Variants in OAS3 observed in about 807,000 individuals in gnomAD.
OAS3 encodes the protein 2'-5'-oligoadenylate synthetase 3.
Under a neutral mutation model 113.0 loss-of-function variants are expected in OAS3, and 107 were observed. That is an observed-to-expected ratio of 0.95 (90% confidence interval 0.81 to 1.11). OAS3 has a LOEUF of 1.11. Among genes scored for constraint, OAS3 ranks in the 50% most tolerant of loss-of-function variants. OAS3 has a pLI of 0.00. For synonymous variants in OAS3, 552 were observed against 573.6 expected, an observed-to-expected ratio of 0.96 and a Z score of 0.54; for missense variants, 1,258 against 1,389.1, an observed-to-expected ratio of 0.91 and a Z score of 1.50.
chr12:112,941,984 G>T, intron 2 of OAS3, 132 bp downstream of exon 2: 1 of 1,098,052 alleles, frequency 9.1e-7, no homozygotes, highest in South Asian at 1.3e-5. Flanking sequence ...CTCAGCCTCA[G>T]TCTGGGGACT....
chr12:112,965,742 A>G lies in OAS3; in HGVS notation c.2404-2A>G. ...TTGAGCCACCTGCCATGTCCTCTCC[A>G]GGGTGGCTCTTCAGCCAAAGGCACA... On this transcript the variant is annotated splice_acceptor_variant, in intron 11 of 15. Transcript: ENST00000228928. LOFTEE classifies it high-confidence loss of function. The G allele has an allele frequency of 6.2e-7, 1 of 1,607,358 alleles. No individual in the cohort carries two copies. The highest frequency in any genetic ancestry group is 8.5e-7 in the Non-Finnish European group (1 of 1,178,322).
At chr12:112,968,222 C>T (rs2043954425) in intron 14 of OAS3, 48 bp downstream of exon 14, 1 of 1,563,790 alleles carries the variant, frequency 6.4e-7, no homozygotes, top group South Asian at 1.2e-5. Flanking sequence ...TGGGATCACT[C>T]ACTCTCCCCA....
At chr12:112,943,407 A>C (rs1328370561) in intron 2 of OAS3, among the ~76,000 whole-genome samples, 2 of 152,146 alleles carry the variant, frequency 1.3e-5, no homozygotes, top group South Asian at 4.1e-4. Context: ...ACAGTGACCC[A>C]CCCAAAGCCA....
Position 112,972,472 on chromosome 12 carries a change from A to G in OAS3, c.*2499A>G, listed in dbSNP as rs1351199344. 6.6e-6 allele frequency: 1 copy of G among 152,218 alleles called. No homozygotes were observed. The highest frequency in any genetic ancestry group is 1.5e-5 in the Non-Finnish European group (1 of 68,048). The allele number at this position is 152,218 out of a possible 1,614,324, so 9.4% of individuals were successfully genotyped here. A position where few individuals can be genotyped will look rare whatever the true frequency, so the allele number is the denominator to read the frequency against. ...GAGTTGATTGATAGGCTTAATGGTCACCCTAAAAACACCCACATATGCTTT... is the reference window on the plus strand; with the variant it reads ...GAGTTGATTGATAGGCTTAATGGTCGCCCTAAAAACACCCACATATGCTTT... On this transcript the variant is annotated 3_prime_UTR_variant, in exon 16 of 16. Transcript: ENST00000228928.
intron 1 of OAS3, among the ~76,000 whole-genome samples, 190 bp downstream of exon 1, chr12:112,938,897 A>G (rs1402630516): frequency 6.6e-6 from 1 of 152,208 alleles, no homozygotes; most frequent in Non-Finnish European, 1.5e-5. Context: ...GGTACTCTTA[A>G]GCCCGCTTGA....
At chr12:112,969,909 C>T in intron 15 of OAS3, 53 bp from the exon 16 acceptor site, 2 of 1,600,220 alleles carry the variant, frequency 1.2e-6, no homozygotes, top group Non-Finnish European at 1.7e-6. Context: ...TGTGTGGTCT[C>T]AGCTTCTGCA....
chr12:112,942,006 A>T, intron 2 of OAS3, 154 bp downstream of exon 2: 1 of 905,468 alleles, frequency 1.1e-6, no homozygotes, highest in African/African-American at 1.6e-5. Context: ...AACATATTGG[A>T]CTTGTGCCAG....
intron 11 of OAS3, among the ~76,000 whole-genome samples, chr12:112,965,164 A>C (rs1294548222): frequency 1.3e-5 from 2 of 152,202 alleles, no homozygotes; most frequent in Non-Finnish European, 2.9e-5. Flanking sequence ...GAGTGTTAGC[A>C]TAAAGCCAGC....
At position 112,962,846 on chromosome 12, in the gene OAS3, T is replaced by C. The variant is rs1196205724; in HGVS notation, c.2028T>C (p.Tyr676=). 3 of 1,613,874 alleles carry C rather than the reference T, an allele frequency of 1.9e-6. No homozygotes were observed. In the African/African-American group the frequency reaches 4.0e-5, roughly 22 times the overall value. The change falls in exon 9 of 16, where the codon TAT becomes TAC. Residue 676 remains tyrosine, a synonymous_variant. Transcript: ENST00000228928. ...TCTGTGTCTACTGGACGGTCAACTA[T>C]AGCACTGAGGACCCAGCCATGAGAA... is the stretch of plus-strand genomic sequence containing the variant. ...QQLCVYWTVN[Y]STEDPAMRMH... is the part of the protein sequence containing the mutation.
chr12:112,963,234 G>C lies in OAS3; in HGVS notation c.2085-79G>C. ...TCCTGACACTCTTTCCAGCCCTCAC[G>C]CCCCTTTTCAGCCCTTCCACCCGCC... On this transcript the variant is annotated intron_variant, in intron 9 of 15. Coordinates refer to ENST00000228928, the MANE Select transcript of OAS3 (RefSeq NM_006187.4). This position sits in a 1 kb window ranked among gnomAD's most constrained non-coding sequence, Gnocchi z 4.6. 11 of 1,435,572 alleles carry C rather than the reference G, an allele frequency of 7.7e-6. No individual in the cohort carries two copies. The highest frequency in any genetic ancestry group is 9.3e-6 in the Non-Finnish European group (10 of 1,075,414). The allele number at this position is 1,435,572 out of a possible 1,614,324, so 88.9% of individuals were successfully genotyped here.
rs757404 is a variant in OAS3 at position 112,969,387 on chromosome 12, G to C, written c.3105-221G>C. ...GGAAGGGGTAAGCGGTAGCACCGTG[G>C]TTGATTAGTAATGTTTGCCTGAATG... On this transcript the variant is annotated intron_variant, in intron 14 of 15. Coordinates refer to ENST00000228928, the MANE Select transcript of OAS3 (RefSeq NM_006187.4). The C allele has an allele frequency of 5.1e-6, 3 of 592,310 alleles. No individual in the cohort carries two copies. In the African/African-American group the frequency reaches 5.6e-5, roughly 11 times the overall value. 36.7% of individuals were successfully genotyped at this position (592,310 alleles called of 1,614,324 possible).
In OAS3 at chr12:112,954,457, A is replaced by T. The variant is rs1221430445; in HGVS notation, c.1657+3482A>T. ...AGGTGCCCGCCACCACATCTGGCTA[A>T]TTTTTTTGTATTTTTTAGTAGAGAC... On this transcript the variant is annotated intron_variant, in intron 7 of 15. Transcript: ENST00000228928. This position sits in a 1 kb window ranked among gnomAD's most constrained non-coding sequence, Gnocchi z 4.0. Among the ~76,000 whole-genome samples the T allele has an allele frequency of 6.6e-6, 1 of 151,968 alleles. No individual in the cohort carries two copies. The highest frequency in any genetic ancestry group is 1.5e-5 in the Non-Finnish European group (1 of 68,000).
Position 112,946,854 on chromosome 12 carries a change from G to C in OAS3, c.748G>C (p.Glu250Gln). 6.2e-7 allele frequency: 1 copy of C among 1,613,984 alleles called. No homozygotes were observed. The highest frequency in any genetic ancestry group is 8.5e-7 in the Non-Finnish European group (1 of 1,179,872). The change falls in exon 4 of 16, where the codon GAA becomes CAA. Residue 250 changes from glutamate (E) to glutamine (Q), a missense_variant. Coordinates refer to ENST00000228928, the MANE Select transcript of OAS3 (RefSeq NM_006187.4). ...GCKKDAFSLA[E>Q]GLRTVLGLIQ... Reference sequence around the variant, plus strand: ...TAAGAAGGATGCTTTCAGCCTAGCCGAAGGCCTCCGAACTGTCCTGGGCCT... The same window carrying C: ...TAAGAAGGATGCTTTCAGCCTAGCCCAAGGCCTCCGAACTGTCCTGGGCCT...
At chr12:112,943,908 G>T (rs985458045) in intron 2 of OAS3, among the ~76,000 whole-genome samples, 2 of 151,898 alleles carry the variant, frequency 1.3e-5, no homozygotes, top group Non-Finnish European at 2.9e-5. Flanking sequence ...GGCCAGGCTG[G>T]TCTCGAACTC....
At chr12:112,962,944 C>T (rs773755570) in intron 9 of OAS3, 42 bp downstream of exon 9, 1 of 1,606,684 alleles carries the variant, frequency 6.2e-7, no homozygotes, top group Non-Finnish European at 8.5e-7. Context: ...TTATCCTCCC[C>T]CTCCCCACTG....
chr12:112,945,591 C>G (rs2043720954), intron 3 of OAS3, among the ~76,000 whole-genome samples: 1 of 152,056 alleles, frequency 6.6e-6, no homozygotes, highest in African/African-American at 2.4e-5. Flanking sequence ...ACAGGCTCCC[C>G]CAAAATCTTG....
At position 112,968,057 on chromosome 12, in the gene OAS3, G is replaced by T. The variant is rs754640597; in HGVS notation, c.2987G>T (p.Arg996Leu). 14 of 1,613,848 alleles carry T rather than the reference G, an allele frequency of 8.7e-6. No individual in the cohort carries two copies. The East Asian group carries it at 1.6e-4, about 18-fold the overall frequency. The change falls in exon 14 of 16, where the codon CGC becomes CTC. Residue 996 changes from arginine to leucine, a missense_variant. Physicochemically the swap from Arg to Leu is moderately radical, Grantham distance 102. Coordinates refer to ENST00000228928, the MANE Select transcript of OAS3 (RefSeq NM_006187.4). ...CAGTTCAACATGGCTGAGGGCTTCC[G>T]CACGGTCCTGGAGCTGGTCACCCAG... is the stretch of plus-strand genomic sequence containing the variant. ...DSQFNMAEGFRTVLELVTQYR... is the reference protein window; with the variant it reads ...DSQFNMAEGFLTVLELVTQYR...
rs1438024485 is a variant in OAS3, at chr12:112,967,955, G to A, written c.2885G>A (p.Gly962Glu). The change falls in exon 14 of 16, where the codon GGG becomes GAG. Residue 962 changes from glycine to glutamate, a missense_variant. By Grantham distance (98) the Gly-to-Glu change is moderately conservative. Coordinates refer to ENST00000228928, the MANE Select transcript of OAS3 (RefSeq NM_006187.4). ...CTCCAGTGTACCAAGATCTCCAAGG[G>A]GAGAGGCTCCCTACCCCCACAGCAC... ...WYQQCTKISK[G>E]RGSLPPQHGL... 1.6e-5 allele frequency: 26 copies of A among 1,613,608 alleles called. No individual in the cohort carries two copies. Among genetic ancestry groups the A allele is most frequent in the Non-Finnish European group, 2.2e-5 (26 of 1,179,754 alleles).
rs1157275835 is a variant in OAS3, at chr12:112,963,499, G to A, written c.2229+42G>A. 1 of 1,441,804 alleles carries A rather than the reference G, an allele frequency of 6.9e-7. No individual in the cohort carries two copies. Among genetic ancestry groups the A allele is most frequent in the Non-Finnish European group, 9.2e-7 (1 of 1,089,624 alleles). 89.3% of individuals were successfully genotyped at this position (1,441,804 alleles called of 1,614,324 possible). A position where few individuals can be genotyped will look rare whatever the true frequency, so the allele number is the denominator to read the frequency against. On this transcript the variant is annotated intron_variant, in intron 10 of 15. Transcript: ENST00000228928. The surrounding 1 kb of genome is among the most constrained non-coding windows in gnomAD (Gnocchi z 4.6). ...TGGGGGGCAGGGGGCCCTGCACCCT[G>A]CCTTCTAGTCAGGTTCCCTTAACCT...
Sources: gnomAD v4.1 joint callset for allele counts (sites outside exome capture counted in the v4.1 genomes callset) on GRCh38, gnomAD v4.1.1 for gene constraint, Gnocchi (gnomAD v3.1) non-coding constraint, MANE v1.5 for transcripts, NCBI Gene and HGNC (gene_info 2026-07-23, HGNC 2026-07-21) for gene names.